TRPM3: variants seen among roughly 807,000 people sequenced by gnomAD.
TRPM3 encodes the protein transient receptor potential cation channel subfamily M member 3.
Under a neutral mutation model 181.2 loss-of-function variants are expected in TRPM3, and 77 were observed. The observed-to-expected ratio is 0.42, with a 90% CI of 0.35 to 0.51. TRPM3 has a LOEUF of 0.51. Ranked by LOEUF, TRPM3 falls within the 20% of genes least tolerant of loss-of-function variation. The pLI is 0.01. For missense variants in TRPM3, 1,759 were observed against 2,196.7 expected (o/e 0.80, Z 3.98); for synonymous variants, 745 against 796.4 (o/e 0.94, Z 1.09).
chr9:70,898,747 C>CAAAAAAAAAAAA (rs34952516), intron 1 of TRPM3, among the ~76,000 whole-genome samples: 1 of 93,350 alleles, frequency 1.1e-5, no homozygotes, highest in Non-Finnish European at 2.1e-5. Flanking sequence ...GACTTCATCT[C>CAAAAAAAAAAAA]AAAAAAAAAA....
At position 71,219,959 on chromosome 9, in the gene TRPM3, C is replaced by A. The variant is rs553248404; in HGVS notation, c.183+226694G>T. 3.6e-3 allele frequency among the ~76,000 whole-genome samples: 546 copies of A among 152,176 alleles called. 2 individuals carry two copies. The highest frequency in any genetic ancestry group is 0.024 in the Middle Eastern group (7 of 294). On this transcript the variant is annotated intron_variant, in intron 1 of 24. Coordinates refer to the TRPM3 transcript ENST00000357533. ...TTGTAATTTCAAAATGGATTATATT[C>A]CCCTTCCATGCCCCCCAATCCTCAC...
At chr9:71,253,530 G>A (rs116416086) in intron 1 of TRPM3, among the ~76,000 whole-genome samples, 647 of 152,220 alleles carry the variant, frequency 4.3e-3, no homozygotes, top group African/African-American at 0.015. Context: ...GAGACATCTG[G>A]CTTTAGGTTA....
chr9:70,693,640 C>T (rs985075622), intron 8 of TRPM3, among the ~76,000 whole-genome samples: 3 of 152,122 alleles, frequency 2.0e-5, no homozygotes, highest in African/African-American at 7.2e-5. Flanking sequence ...TCATAAAGTG[C>T]TATAGACAGA....
intron 1 of TRPM3, among the ~76,000 whole-genome samples, chr9:71,015,160 C>T (rs747203705): frequency 6.6e-6 from 1 of 152,158 alleles, no homozygotes; most frequent in Non-Finnish European, 1.5e-5. Flanking sequence ...AGATGGGCTA[C>T]TGTTTAAAAT....
chr9:70,908,757 G>T (rs1340317541), intron 1 of TRPM3, among the ~76,000 whole-genome samples: 2 of 152,212 alleles, frequency 1.3e-5, no homozygotes, highest in Non-Finnish European at 2.9e-5. Flanking sequence ...TTAAGACAGT[G>T]TGGCAGTGTC....
intron 8 of TRPM3, among the ~76,000 whole-genome samples, chr9:70,697,587 T>A (rs1014555814): frequency 1.3e-4 from 19 of 151,512 alleles, no homozygotes; most frequent in Non-Finnish European, 2.5e-4. Flanking sequence ...GACTATTAAC[T>A]TTTTTTTTAG....
intron 5 of TRPM3, among the ~76,000 whole-genome samples, chr9:70,832,266 C>T (rs918622705): frequency 7.3e-5 from 11 of 151,016 alleles, no homozygotes; most frequent in African/African-American, 2.7e-4. Flanking sequence ...ACATTGTGCA[C>T]ATGTACCCTA....
At chr9:71,152,920 A>C (rs2075807421) in intron 1 of TRPM3, among the ~76,000 whole-genome samples, 1 of 152,310 alleles carries the variant, frequency 6.6e-6, no homozygotes, top group Non-Finnish European at 1.5e-5. Flanking sequence ...CCCTGCTGAA[A>C]GTCTAGTAGG....
chr9:71,356,594 T>A (rs980686888), intron 1 of TRPM3, among the ~76,000 whole-genome samples: 2 of 152,152 alleles, frequency 1.3e-5, no homozygotes, highest in Non-Finnish European at 2.9e-5. Context: ...GGATAATAAT[T>A]TCATTCAGTT....
intron 9 of TRPM3, among the ~76,000 whole-genome samples, chr9:70,667,508 A>G (rs1445616126): frequency 1.3e-5 from 2 of 152,122 alleles, no homozygotes; most frequent in Non-Finnish European, 2.9e-5. Flanking sequence ...CCCAGGTCTC[A>G]CTTTGTACCT....
chr9:70,925,923 A>C (rs938503077), intron 1 of TRPM3, among the ~76,000 whole-genome samples: 7 of 150,776 alleles, frequency 4.6e-5, no homozygotes, highest in Non-Finnish European at 7.4e-5. Flanking sequence ...GCATCAGTCC[A>C]GATGAGGACT....
chr9:71,229,143 G>A (rs1373790183), intron 1 of TRPM3, among the ~76,000 whole-genome samples: 2 of 152,108 alleles, frequency 1.3e-5, no homozygotes, highest in African/African-American at 2.4e-5. Context: ...GAACAGATTA[G>A]AGAATCCAGA....
chr9:70,546,345 G>A (rs1375353063), intron 25 of TRPM3, among the ~76,000 whole-genome samples: 3 of 152,114 alleles, frequency 2.0e-5, no homozygotes, highest in Admixed American at 6.5e-5. Flanking sequence ...GAAACTCTAG[G>A]GGTAGGAAGG....
intron 1 of TRPM3, among the ~76,000 whole-genome samples, chr9:71,004,698 G>A (rs1225956632): frequency 6.6e-6 from 1 of 152,160 alleles, no homozygotes; most frequent in Non-Finnish European, 1.5e-5. Flanking sequence ...AAGAAGTTTA[G>A]GGAATCACAA....
At chr9:70,828,934 TTTCCCATAC>T (rs1186302974) in intron 5 of TRPM3, among the ~76,000 whole-genome samples, 5 of 152,158 alleles carry the variant, frequency 3.3e-5, no homozygotes, top group African/African-American at 1.2e-4. Context: ...CTTATTTTTC[TTTCCCATAC>T]TGCTTAGACC....
intron 9 of TRPM3, among the ~76,000 whole-genome samples, chr9:70,669,850 T>C (rs1934470): frequency 0.66 from 98,854 of 150,880 alleles, 32,777 homozygotes; most frequent in African/African-American, 0.76. Flanking sequence ...GATCCTTTCA[T>C]GTCAGCCTCC....
chr9:70,888,745 G>C (rs965880484), intron 1 of TRPM3, among the ~76,000 whole-genome samples: 2 of 152,164 alleles, frequency 1.3e-5, no homozygotes, highest in African/African-American at 4.8e-5. Flanking sequence ...GAAGAGGAAG[G>C]AGATGACATG....
chr9:70,750,345 G>T (rs2075911651), intron 8 of TRPM3, among the ~76,000 whole-genome samples: 1 of 152,206 alleles, frequency 6.6e-6, no homozygotes, highest in Admixed American at 6.5e-5. Context: ...CATCCAGACT[G>T]CATTCAGACT....
At chr9:70,647,210 A>C (rs1444534262) in intron 9 of TRPM3, among the ~76,000 whole-genome samples, 1 of 152,166 alleles carries the variant, frequency 6.6e-6, no homozygotes, top group Non-Finnish European at 1.5e-5. Flanking sequence ...CATCATTCAT[A>C]ACCAAACCTG....
Sources: gnomAD v4.1 joint callset for allele counts (sites outside exome capture counted in the v4.1 genomes callset) on GRCh38, gnomAD v4.1.1 for gene constraint, MANE v1.5 for transcripts, NCBI Gene and HGNC (gene_info 2026-07-23, HGNC 2026-07-21) for gene names.